Variants in DNAH12 observed in about 807,000 individuals in gnomAD.
DNAH12 encodes dynein axonemal heavy chain 12.
In DNAH12, 285 loss-of-function variants were observed where a neutral mutation model predicts 371.5. That is an observed-to-expected ratio of 0.77 (90% CI 0.70 to 0.85). The LOEUF is 0.85. DNAH12 is among the 40% of genes least tolerant of loss of function. The probability of loss-of-function intolerance (pLI) is 0.00; values close to 1 mark genes in which losing one functional copy is unlikely to be tolerated. For missense variants in DNAH12, 3,611 were observed against 3,689.4 expected (o/e 0.98, Z 0.55); for synonymous variants, 1,200 against 1,213.0 (o/e 0.99, Z 0.22).
chr3:57,302,567 A>ATTT (rs71088056), intron 69 of DNAH12, among the ~76,000 whole-genome samples: 1 of 27,482 alleles, frequency 3.6e-5, no homozygotes, highest in Non-Finnish European at 6.3e-5. Context: ...ATATATATGT[A>ATTT]TTTTTTTTTT....
At chr3:57,462,963 G>T in intron 17 of DNAH12, 88 bp from the exon 18 acceptor site, 1 of 815,072 alleles carries the variant, frequency 1.2e-6, no homozygotes, top group East Asian at 2.7e-5. Flanking sequence ...TGATATAAGG[G>T]TTACATTTCT....
At chr3:57,396,290 CAAAA>C (rs1159748997) in intron 43 of DNAH12, among the ~76,000 whole-genome samples, 2 of 68,718 alleles carry the variant, frequency 2.9e-5, no homozygotes, top group South Asian at 4.3e-4. Flanking sequence ...AAAAAAAAAA[CAAAA>C]AAAAAAAAAA....
At chr3:57,343,220 G>A (rs2153315872) in intron 60 of DNAH12, among the ~76,000 whole-genome samples, 1 of 152,306 alleles carries the variant, frequency 6.6e-6, no homozygotes, top group African/African-American at 2.4e-5. Context: ...CTGTTACTGT[G>A]TCTAGATAGA....
chr3:57,335,929 GC>G (rs1214236257), intron 60 of DNAH12, among the ~76,000 whole-genome samples: 1 of 152,158 alleles, frequency 6.6e-6, no homozygotes, highest in Non-Finnish European at 1.5e-5. Context: ...AGCTAACATA[GC>G]CTTAGAGTAA....
intron 30 of DNAH12, among the ~76,000 whole-genome samples, chr3:57,435,009 C>A (rs1397898721): frequency 6.6e-6 from 1 of 152,096 alleles, no homozygotes; most frequent in African/African-American, 2.4e-5. Flanking sequence ...AAACAAAAAT[C>A]TATTAAAACT....
chr3:57,350,335 T>C (rs1468284646), intron 60 of DNAH12, among the ~76,000 whole-genome samples: 1 of 152,138 alleles, frequency 6.6e-6, no homozygotes, highest in Non-Finnish European at 1.5e-5. Context: ...AAATCAAGAT[T>C]AATTACACAC....
Position 57,457,725 on chromosome 3 carries a change from C to G in DNAH12, c.3332G>C (p.Arg1111Thr), listed in dbSNP as rs1409663633. 6.5e-7 allele frequency: 1 copy of G among 1,547,950 alleles called. No individual in the cohort carries two copies. The highest frequency in any genetic ancestry group is 1.2e-5 in the South Asian group (1 of 83,964). The change falls in exon 22 of 74, where the codon AGG becomes ACG. Residue 1111 changes from arginine to threonine, a missense_variant. Physicochemically the swap from Arg to Thr is moderately conservative, Grantham distance 71. Coordinates refer to ENST00000495027, the MANE Select transcript of DNAH12 (RefSeq NM_001366028.2). ...RSVHDVIAAARLAYPESARRD... is the reference protein window; with the variant it reads ...RSVHDVIAAATLAYPESARRD... ...ATCAAATCCTAGGAAACACACCAGC[C>G]TGGCTGCAGCGATCACATCGTGAAC...
chr3:57,325,034 G>C (rs1459276021), intron 62 of DNAH12, among the ~76,000 whole-genome samples: 1 of 152,248 alleles, frequency 6.6e-6, no homozygotes, highest in Non-Finnish European at 1.5e-5. Flanking sequence ...GCCCGCCATT[G>C]CCCAGGCTTG....
intron 69 of DNAH12, among the ~76,000 whole-genome samples, chr3:57,304,638 G>A (rs902585519): frequency 1.3e-5 from 2 of 152,140 alleles, no homozygotes; most frequent in African/African-American, 2.4e-5. Flanking sequence ...TCACGCAGGG[G>A]ACACCTGCCT....
In DNAH12 at chr3:57,385,603, C is replaced by G. The variant is rs1223216536; in HGVS notation, c.7603-174G>C. 7.2e-5 allele frequency among the ~76,000 whole-genome samples: 11 copies of G among 152,272 alleles called. No individual in the cohort carries two copies. In the East Asian group the frequency reaches 1.9e-3, roughly 27 times the overall value. On this transcript the variant is annotated intron_variant, in intron 47 of 73. Transcript: ENST00000495027. ...AAACTATGAAAGTGTGGGCCAGGGC[C>G]AAGCACGGTGGCTCACATCTGTAAT...
chr3:57,406,765 T>C (rs13063404), intron 40 of DNAH12, among the ~76,000 whole-genome samples: 54,912 of 152,014 alleles, frequency 0.36, 10,886 homozygotes, highest in African/African-American at 0.51. Context: ...CCCCTTCTTC[T>C]TTATATCTAA....
intron 28 of DNAH12, 132 bp downstream of exon 28, chr3:57,445,042 C>T (rs2065438127): frequency 8.3e-7 from 1 of 1,206,728 alleles, no homozygotes; most frequent in South Asian, 1.7e-5. Flanking sequence ...ACCCAAAAAA[C>T]CATCATTTCA....
At chr3:57,526,190 A>G (rs1456704745) in intron 2 of DNAH12, among the ~76,000 whole-genome samples, 2 of 152,140 alleles carry the variant, frequency 1.3e-5, no homozygotes, top group Non-Finnish European at 2.9e-5. Context: ...TTTAATTTTT[A>G]GCACCCACAG....
chr3:57,327,647 G>T (rs1036005168), intron 62 of DNAH12, among the ~76,000 whole-genome samples: 3 of 151,794 alleles, frequency 2.0e-5, no homozygotes, highest in African/African-American at 7.3e-5. Flanking sequence ...ACAATTAAAA[G>T]AACTAGAAAA....
intron 62 of DNAH12, among the ~76,000 whole-genome samples, chr3:57,324,781 G>A (rs572588228): frequency 5.3e-5 from 8 of 152,344 alleles, no homozygotes; most frequent in East Asian, 1.9e-4. Context: ...TGCCTCACTC[G>A]GGAAGCGCAA....
At chr3:57,356,425 AGAG>A (rs2062800937) in intron 59 of DNAH12, among the ~76,000 whole-genome samples, 1 of 150,128 alleles carries the variant, frequency 6.7e-6, no homozygotes, top group Non-Finnish European at 1.5e-5. Flanking sequence ...CCTGGGTGAC[AGAG>A]TGAGACCTTG....
chr3:57,532,901 C>A (rs755229865), intron 2 of DNAH12, among the ~76,000 whole-genome samples: 2 of 152,350 alleles, frequency 1.3e-5, no homozygotes, highest in Middle Eastern at 6.8e-3. Flanking sequence ...GCAAGACAGG[C>A]TTCTGTCCCT....
Position 57,428,665 on chromosome 3 carries a change from G to A in DNAH12, c.5221C>T (p.Pro1741Ser). ...LRGLFAWLIP[P>S]SLNQRKKKCK... ...TTTTTCTTACGCTGGTTTAAAGAGG[G>A]TGGTATTAACCAGGCAAAAAGTCCT... Residue 1741 changes from proline to serine, a missense_variant, in exon 34 of 74, where the codon CCC (proline) becomes TCC (serine). Pro to Ser is a moderately conservative substitution (Grantham distance 74, BLOSUM62 -1). Transcript: ENST00000495027. 1.3e-6 allele frequency: 2 copies of A among 1,544,128 alleles called. No individual in the cohort carries two copies. The highest frequency in any genetic ancestry group is 1.7e-6 in the Non-Finnish European group (2 of 1,145,316).
chr3:57,303,199 C>T (rs1228116658), intron 69 of DNAH12, among the ~76,000 whole-genome samples: 1 of 151,348 alleles, frequency 6.6e-6, no homozygotes, highest in African/African-American at 2.4e-5. Context: ...ATTAGCCAGT[C>T]GTGGTGGTGG....
Sources: allele counts gnomAD v4.1 joint callset (sites outside exome capture counted in the v4.1 genomes callset), GRCh38; gene constraint gnomAD v4.1.1; transcripts MANE v1.5; gene names NCBI Gene and HGNC (gene_info 2026-07-23, HGNC 2026-07-21).